ZC3H3: variants seen among roughly 807,000 people sequenced by gnomAD.
The protein encoded by ZC3H3 is zinc finger CCCH-type containing 3.
A neutral mutation model predicts 77.3 loss-of-function variants in ZC3H3; 36 were observed. The observed-to-expected ratio is 0.47, with a 90% CI of 0.36 to 0.61. ZC3H3 has a LOEUF of 0.61. Among genes scored for constraint, ZC3H3 ranks in the 20% least tolerant of loss-of-function variants. ZC3H3 has a pLI of 0.00. For missense variants in ZC3H3, 1,331 were observed against 1,312.2 expected, an observed-to-expected ratio of 1.01 and a Z score of -0.22; for synonymous variants, 626 against 555.2, an observed-to-expected ratio of 1.13 and a Z score of -1.79.
chr8:143,443,286 A>G (rs1313562253), intron 9 of ZC3H3, among the ~76,000 whole-genome samples: 2 of 141,128 alleles, frequency 1.4e-5, no homozygotes, highest in African/African-American at 2.9e-5. Context: ...CCCTGTCTCA[A>G]AAAAAAAAAA....
chr8:143,497,283 G>A (rs557038862), intron 4 of ZC3H3, among the ~76,000 whole-genome samples: 3 of 152,208 alleles, frequency 2.0e-5, no homozygotes, highest in South Asian at 2.1e-4. Flanking sequence ...AGGGAGACTC[G>A]GCACCCAGGC....
At chr8:143,458,779 C>T (rs13256748) in intron 9 of ZC3H3, among the ~76,000 whole-genome samples, 8 of 68,412 alleles carry the variant, frequency 1.2e-4, no homozygotes, top group African/African-American at 4.3e-4. Flanking sequence ...CAGCGGCTCA[C>T]GCCTGTAACC....
chr8:143,502,013 G>A (rs1181949959), intron 4 of ZC3H3, among the ~76,000 whole-genome samples: 9 of 152,296 alleles, frequency 5.9e-5, no homozygotes, highest in East Asian at 1.9e-4. Flanking sequence ...ATGATGGGAC[G>A]AGCATCCTCA....
rs1257706389 is a variant in ZC3H3 at position 143,538,017 on chromosome 8, T to A, written c.1350A>T (p.Arg450Ser). The change falls in exon 2 of 12, where the codon AGA becomes AGT. Residue 450 changes from arginine to serine, a missense_variant. Physicochemically the swap from Arg to Ser is moderately radical, Grantham distance 110. Around this residue, in one of 3 missense-constraint regions of ZC3H3, gnomAD observed 978 missense variants for 915.5 expected, o/e 1.07. Coordinates refer to ENST00000262577, the MANE Select transcript of ZC3H3 (RefSeq NM_015117.3). ...GGGATGCCCACCTTGTGCTGCTGCG[T>A]CTCCGGATGATCTTGGTGCGGCTCT... Reference protein sequence around the residue: ...KVKSRTKIIRRRSSTSLPGDK... With the variant: ...KVKSRTKIIRSRSSTSLPGDK... The A allele has an allele frequency of 1.2e-6, 2 of 1,605,610 alleles. No homozygotes were observed. The highest frequency in any genetic ancestry group is 1.7e-6 in the Non-Finnish European group (2 of 1,175,482).
rs112801951 is a variant in ZC3H3 at position 143,460,814 on chromosome 8, G to A, written c.2307+4903C>T. Among the ~76,000 whole-genome samples the A allele has an allele frequency of 3.5e-3, 536 of 152,232 alleles. 2 individuals are homozygous for A. Among genetic ancestry groups the A allele is most frequent in the African/African-American group, 0.012 (486 of 41,532 alleles). ...ACAGATGCTGGATGATTCCACTGACGGGACACAGCTAGACCCTGGAAACAT... is the reference window on the plus strand; with the variant it reads ...ACAGATGCTGGATGATTCCACTGACAGGACACAGCTAGACCCTGGAAACAT... On this transcript the variant is annotated intron_variant, in intron 9 of 11. Coordinates refer to ENST00000262577, the MANE Select transcript of ZC3H3 (RefSeq NM_015117.3). This position sits in a 1 kb window ranked among gnomAD's most constrained non-coding sequence, Gnocchi z 4.0.
In ZC3H3 at chr8:143,468,251, C is replaced by T. The variant is rs78291677; in HGVS notation, c.2133G>A (p.Thr711=). The change falls in exon 8 of 12, where the codon ACG becomes ACA. Residue 711 remains threonine (T), a synonymous_variant. Coordinates refer to ENST00000262577, the MANE Select transcript of ZC3H3 (RefSeq NM_015117.3). ...TRFVRGTCKK[T]DGTCPFSHHV... Reference sequence around the variant, plus strand: ...GGTGGGAGAAGGGGCAGGTCCCATCCGTTTTCTTGCAGGTGCCCCGGACAA... The same window carrying T: ...GGTGGGAGAAGGGGCAGGTCCCATCTGTTTTCTTGCAGGTGCCCCGGACAA... 3.0e-3 allele frequency: 4,878 copies of T among 1,613,040 alleles called. 116 individuals carry two copies. The African/African-American group carries it at 0.053, about 17-fold the overall frequency.
At chr8:143,479,800 G>A (rs140765981) in intron 4 of ZC3H3, among the ~76,000 whole-genome samples, 7 of 152,134 alleles carry the variant, frequency 4.6e-5, no homozygotes, top group African/African-American at 9.7e-5. Flanking sequence ...CTCCTCCCTG[G>A]GGGGGGACAA....
intron 9 of ZC3H3, among the ~76,000 whole-genome samples, chr8:143,444,624 C>T (rs1200395281): frequency 6.6e-6 from 1 of 152,190 alleles, no homozygotes. Flanking sequence ...ATCATATGAT[C>T]ACCTCACAGA....
At chr8:143,452,309 G>A (rs1820008483) in intron 9 of ZC3H3, among the ~76,000 whole-genome samples, 1 of 151,038 alleles carries the variant, frequency 6.6e-6, no homozygotes, top group African/African-American at 2.5e-5. Context: ...GGCAGGGAGG[G>A]AAGGTTCAGG....
At chr8:143,526,358 A>C (rs576800325) in intron 3 of ZC3H3, among the ~76,000 whole-genome samples, 1 of 152,352 alleles carries the variant, frequency 6.6e-6, no homozygotes, top group Non-Finnish European at 1.5e-5. Context: ...CAGGAAGACC[A>C]GGTGCCTGCG....
chr8:143,482,332 G>C (rs1200763503), intron 4 of ZC3H3, among the ~76,000 whole-genome samples: 1 of 152,238 alleles, frequency 6.6e-6, no homozygotes, highest in Non-Finnish European at 1.5e-5. Context: ...ATGAGCACAG[G>C]GGCCGTATCT....
chr8:143,522,932 A>G (rs1164270018), intron 3 of ZC3H3, among the ~76,000 whole-genome samples: 1 of 151,916 alleles, frequency 6.6e-6, no homozygotes, highest in Non-Finnish European at 1.5e-5. Context: ...AAAAATATAT[A>G]TATATATTGC....
At chr8:143,535,568 C>A (rs1350251395) in intron 3 of ZC3H3, among the ~76,000 whole-genome samples, 2 of 152,204 alleles carry the variant, frequency 1.3e-5, no homozygotes, top group Non-Finnish European at 2.9e-5. Flanking sequence ...GGGCTCTAGA[C>A]CCTCACCACA....
chr8:143,457,990 A>G (rs186095407), intron 9 of ZC3H3, among the ~76,000 whole-genome samples: 2 of 152,374 alleles, frequency 1.3e-5, no homozygotes, highest in East Asian at 3.9e-4. Context: ...ATAAGAGCAG[A>G]CAGCCCAATG....
intron 9 of ZC3H3, among the ~76,000 whole-genome samples, chr8:143,454,115 T>G (rs1427501898): frequency 1.3e-5 from 2 of 151,800 alleles, no homozygotes; most frequent in African/African-American, 4.8e-5. Flanking sequence ...AGTTTCACTC[T>G]TGTTGCCCAG....
intron 8 of ZC3H3, among the ~76,000 whole-genome samples, chr8:143,467,297 C>T (rs1820435785): frequency 6.6e-6 from 1 of 152,174 alleles, no homozygotes; most frequent in South Asian, 2.1e-4. Flanking sequence ...TTCAATTAAC[C>T]TTGTTTGCAC....
chr8:143,517,049 C>T (rs117920286), intron 3 of ZC3H3, among the ~76,000 whole-genome samples: 2,182 of 152,274 alleles, frequency 0.014, 29 homozygotes, highest in Non-Finnish European at 0.024. Flanking sequence ...GCAGCACCAC[C>T]GAAGCCGCTG....
intron 2 of ZC3H3, 50 bp downstream of exon 2, chr8:143,537,953 A>G (rs747785588): frequency 1.3e-6 from 2 of 1,511,602 alleles, no homozygotes; most frequent in South Asian, 2.6e-5. Context: ...TGCCAAACAA[A>G]CCCTCCTCAC....
chr8:143,503,602 C>A (rs1821596601), intron 4 of ZC3H3, among the ~76,000 whole-genome samples: 1 of 149,084 alleles, frequency 6.7e-6, no homozygotes, highest in Admixed American at 6.7e-5. Context: ...ACCACCTCCC[C>A]CAGCACCCAG....
Sources: gnomAD v4.1 joint callset for allele counts (sites outside exome capture counted in the v4.1 genomes callset) on GRCh38, gnomAD v4.1.1 for gene constraint, gnomAD v4.1.1 regional missense constraint, Gnocchi (gnomAD v3.1) non-coding constraint, MANE v1.5 for transcripts, NCBI Gene and HGNC (gene_info 2026-07-23, HGNC 2026-07-21) for gene names.